Variants in PCDHA2 observed in about 807,000 individuals in gnomAD.
PCDHA2 encodes protocadherin alpha-2.
A neutral mutation model predicts 66.0 loss-of-function variants in PCDHA2; 58 were observed. The ratio of observed to expected loss-of-function variants is 0.88; its 90% CI spans 0.71 to 1.09. PCDHA2 has a LOEUF of 1.09. Among genes scored for constraint, PCDHA2 ranks in the 50% least tolerant of loss-of-function variants. The probability of loss-of-function intolerance (pLI) is 0.00; values close to 1 mark genes in which losing one functional copy is unlikely to be tolerated. For missense variants in PCDHA2, 1,267 were observed against 1,242.3 expected (o/e 1.02, Z -0.30); for synonymous variants, 634 against 554.0 (o/e 1.14, Z -2.03).
At chr5:140,870,631 C>G (rs1554164498) in intron 1 of PCDHA2, 5 of 1,612,864 alleles carry the variant, frequency 3.1e-6, no homozygotes, top group Middle Eastern at 1.7e-4. Flanking sequence ...CGTGTCGGTG[C>G]ACGCGGAGAG....
chr5:140,966,205 CT>C, intron 1 of PCDHA2: 1 of 226,680 alleles, frequency 4.4e-6, no homozygotes. Flanking sequence ...GGCTTGACTG[CT>C]TTTCCCAGAC....
chr5:140,856,364 G>A (rs782661319), intron 1 of PCDHA2: 1 of 1,598,600 alleles, frequency 6.3e-7, no homozygotes, highest in Non-Finnish European at 8.6e-7. Context: ...CATCCACCTG[G>A]AGGTGATCGT....
intron 1 of PCDHA2, chr5:140,857,722 C>T (rs371525843): frequency 4.4e-6 from 7 of 1,597,318 alleles, no homozygotes; most frequent in African/African-American, 2.7e-5. Flanking sequence ...TGGACGAGAA[C>T]GACAACGCTC....
At chr5:140,823,720 C>T in intron 1 of PCDHA2, 1 of 1,613,952 alleles carries the variant, frequency 6.2e-7, no homozygotes, top group Non-Finnish European at 8.5e-7. Context: ...CCTTCTGGTG[C>T]TGGTGAAGGA....
Position 140,807,458 on chromosome 5 carries a change from G to A in PCDHA2, c.2388+10106G>A, listed in dbSNP as rs1763938347. ...CATTTTGTTTGTGAATTCTCGGATCGACCGGGAGGAGCTGTGCCGGCGGAG... is the reference window on the plus strand; with the variant it reads ...CATTTTGTTTGTGAATTCTCGGATCAACCGGGAGGAGCTGTGCCGGCGGAG... On this transcript the variant is annotated intron_variant, in intron 1 of 3. Transcript: ENST00000526136. The A allele has an allele frequency of 6.2e-7, 1 of 1,608,234 alleles. No individual in the cohort carries two copies.
At chr5:140,855,950 C>T in intron 1 of PCDHA2, 1 of 1,363,920 alleles carries the variant, frequency 7.3e-7, no homozygotes, top group Non-Finnish European at 1.0e-6. Flanking sequence ...TCAGCCATTT[C>T]GATAAAAAAT....
chr5:140,866,563 G>A (rs1163893808), intron 1 of PCDHA2: 31 of 152,118 alleles, frequency 2.0e-4, no homozygotes, highest in Admixed American at 2.0e-3. Flanking sequence ...CTATAATTTT[G>A]TTAATACAGT....
At chr5:140,856,513 C>A (rs17844340) in intron 1 of PCDHA2, 3 of 1,598,242 alleles carry the variant, frequency 1.9e-6, no homozygotes, top group Non-Finnish European at 2.6e-6. Flanking sequence ...CACTAGAAGG[C>A]GCATCTGATG....
chr5:140,830,117 C>T (rs2150181375), intron 1 of PCDHA2: 1 of 1,613,510 alleles, frequency 6.2e-7, no homozygotes. Context: ...TGGCCAGGCT[C>T]CAAAGGCGTC....
chr5:140,963,771 GA>G (rs1459827253), intron 1 of PCDHA2, among the ~76,000 whole-genome samples: 2 of 152,164 alleles, frequency 1.3e-5, no homozygotes, highest in African/African-American at 4.8e-5. Context: ...ATTTCATGAC[GA>G]CAGCAACAAC....
Position 140,795,286 on chromosome 5 carries a change from G to A in PCDHA2, c.322G>A (p.Val108Met). Residue 108 changes from valine to methionine, a missense_variant, in exon 1 of 4, where the codon GTG (valine) becomes ATG (methionine). Physicochemically the swap from Val to Met is conservative, Grantham distance 21. Transcript: ENST00000526136. ...CGCGGAATGTAGCATCCACGTGGAG[G>A]TGATCGTGGACAGGCCGCTGCAGGT... ...RSAECSIHVE[V>M]IVDRPLQVFH... 1.2e-6 allele frequency: 2 copies of A among 1,614,252 alleles called. No individual in the cohort carries two copies. Among genetic ancestry groups the A allele is most frequent in the Non-Finnish European group, 1.7e-6 (2 of 1,180,034 alleles).
intron 1 of PCDHA2, chr5:140,967,668 C>T (rs1554229751): frequency 1.2e-6 from 2 of 1,614,108 alleles, no homozygotes; most frequent in Non-Finnish European, 8.5e-7. Flanking sequence ...AGCTACACGT[C>T]GGACCGGGAG....
chr5:140,940,552 G>A (rs1198606745), intron 1 of PCDHA2, among the ~76,000 whole-genome samples: 4 of 152,018 alleles, frequency 2.6e-5, no homozygotes, highest in African/African-American at 9.7e-5. Flanking sequence ...GGGCTCAAGT[G>A]ATTCTCCTAC....
chr5:140,895,174 A>T (rs1554186407), intron 1 of PCDHA2, among the ~76,000 whole-genome samples: 2 of 152,150 alleles, frequency 1.3e-5, no homozygotes, highest in African/African-American at 4.8e-5. Context: ...ATCTATTTGT[A>T]GTCCCTTCTG....
intron 1 of PCDHA2, among the ~76,000 whole-genome samples, chr5:140,939,732 G>C (rs2092446551): frequency 6.6e-6 from 1 of 152,168 alleles, no homozygotes; most frequent in African/African-American, 2.4e-5. Context: ...GTTGTGTGTA[G>C]CTGTGTATCA....
At chr5:140,807,440 T>C (rs1325948776) in intron 1 of PCDHA2, 2 of 1,602,736 alleles carry the variant, frequency 1.2e-6, no homozygotes, top group African/African-American at 2.8e-5. Flanking sequence ...TGGCATTTTG[T>C]TTGTGAATTC....
chr5:140,824,401 T>G (rs1459968024), intron 1 of PCDHA2: 4 of 544,498 alleles, frequency 7.3e-6, no homozygotes, highest in Middle Eastern at 4.7e-4. Context: ...GGATAATAAT[T>G]GTAAGACATA....
intron 1 of PCDHA2, chr5:140,808,457 G>A (rs1554124562): frequency 6.2e-7 from 1 of 1,614,204 alleles, no homozygotes; most frequent in East Asian, 2.2e-5. Context: ...CTATGAGCTG[G>A]TGGTGACCGC....
At chr5:140,960,748 A>C (rs1408249489) in intron 1 of PCDHA2, among the ~76,000 whole-genome samples, 1 of 152,008 alleles carries the variant, frequency 6.6e-6, no homozygotes, top group Non-Finnish European at 1.5e-5. Flanking sequence ...TCCATGGCTA[A>C]AATCCCAAGA....
Sources: allele counts gnomAD v4.1 joint callset (sites outside exome capture counted in the v4.1 genomes callset), GRCh38; gene constraint gnomAD v4.1.1; transcripts MANE v1.5; gene names NCBI Gene and HGNC (gene_info 2026-07-23, HGNC 2026-07-21).